Variants in CCDC81 observed in about 807,000 individuals in gnomAD.
The protein encoded by CCDC81 is coiled-coil domain containing 81.
Under a neutral mutation model 83.7 loss-of-function variants are expected in CCDC81, and 79 were observed. The ratio of observed to expected loss-of-function variants is 0.94; its 90% CI spans 0.79 to 1.14. CCDC81 has a LOEUF of 1.14. Ranked by LOEUF, CCDC81 falls within the 50% of genes most tolerant of loss-of-function variation. CCDC81 has a pLI of 0.00. For synonymous variants in CCDC81, 252 were observed against 278.1 expected (o/e 0.91, Z 0.93); for missense variants, 791 against 778.1 (o/e 1.02, Z -0.20).
At chr11:86,395,728 C>T (rs536811418) in intron 5 of CCDC81, among the ~76,000 whole-genome samples, 6 of 152,278 alleles carry the variant, frequency 3.9e-5, no homozygotes, top group Admixed American at 1.3e-4. Context: ...TCAAGCAATT[C>T]TCTCCTGCCT....
chr11:86,396,585 C>G (rs1280212547), intron 5 of CCDC81, among the ~76,000 whole-genome samples: 1 of 152,158 alleles, frequency 6.6e-6, no homozygotes, highest in Non-Finnish European at 1.5e-5. Flanking sequence ...TTTGGAACAA[C>G]CCCCTCCTGG....
At position 86,383,508 on chromosome 11, in the gene CCDC81, G is replaced by A. The variant is rs75839962; in HGVS notation, c.80-2543G>A. Among the ~76,000 whole-genome samples the A allele has an allele frequency of 2.1e-3, 314 of 152,250 alleles. 3 individuals are homozygous for A. In the East Asian group the frequency reaches 0.032, roughly 15 times the overall value. On this transcript the variant is annotated intron_variant, in intron 1 of 14. Coordinates refer to ENST00000445632, the MANE Select transcript of CCDC81 (RefSeq NM_001156474.2). ...GGTGTTTAAACATATGGTTTTGAGCGCATGGAATGTTAAGAATTTGAAGCC... is the reference window on the plus strand; with the variant it reads ...GGTGTTTAAACATATGGTTTTGAGCACATGGAATGTTAAGAATTTGAAGCC...
chr11:86,396,027 A>C (rs993108862), intron 5 of CCDC81, among the ~76,000 whole-genome samples: 1 of 152,178 alleles, frequency 6.6e-6, no homozygotes, highest in African/African-American at 2.4e-5. Context: ...CACCTGCTGA[A>C]CTTTCCACTA....
chr11:86,397,764 C>T, intron 6 of CCDC81, 22 bp downstream of exon 6: 2 of 1,606,602 alleles, frequency 1.2e-6, no homozygotes, highest in South Asian at 1.1e-5. Context: ...ATTTCTGGGT[C>T]CAATCTGTCA....
chr11:86,376,315 C>A lies in CCDC81; in HGVS notation c.79+1073C>A, dbSNP rs1948097521. On this transcript the variant is annotated intron_variant, in intron 1 of 14. Coordinates refer to ENST00000445632, the MANE Select transcript of CCDC81 (RefSeq NM_001156474.2). ...TTCACAGTAAATTAAGAAGGAGGGA[C>A]AATATATTAGTTTATTTGTACACTG... 1.3e-5 allele frequency among the ~76,000 whole-genome samples: 2 copies of A among 152,032 alleles called. 1 individual carries two copies. Among genetic ancestry groups the A allele is most frequent in the South Asian group, 4.2e-4 (2 of 4,816 alleles).
intron 12 of CCDC81, 86 bp downstream of exon 12, chr11:86,414,953 TTA>T: frequency 7.1e-7 from 1 of 1,400,370 alleles, no homozygotes; most frequent in South Asian, 1.3e-5. Context: ...ACGAATATTT[TTA>T]TGTGTTATGC....
chr11:86,402,307 G>A (rs568200016), intron 7 of CCDC81, among the ~76,000 whole-genome samples: 26 of 152,070 alleles, frequency 1.7e-4, no homozygotes, highest in Admixed American at 4.6e-4. Flanking sequence ...GATGTATGTC[G>A]TTTATTTCAA....
chr11:86,403,354 C>CT (rs1948519617), intron 7 of CCDC81, among the ~76,000 whole-genome samples: 1 of 151,202 alleles, frequency 6.6e-6, no homozygotes, highest in Non-Finnish European at 1.5e-5. Context: ...TCTTTTTTTT[C>CT]TTTTTAATTT....
In CCDC81 at chr11:86,395,358, T is replaced by A. The variant is rs754931533; in HGVS notation, c.580T>A (p.Leu194Met). 1 of 1,614,058 alleles carries A rather than the reference T, an allele frequency of 6.2e-7. No homozygotes were observed. Among genetic ancestry groups the A allele is most frequent in the Non-Finnish European group, 8.5e-7 (1 of 1,179,956 alleles). ...ANRPGTVDSV[L>M]SSREALRKWP... ...GAGGCCTGGCACTGTGGACTCGGTG[T>A]TGTCTAGCAGAGAGGCCTTGAGGAA... Residue 194 changes from leucine to methionine, a missense_variant, in exon 5 of 15, where the codon TTG becomes ATG. Leu to Met is a conservative substitution (Grantham distance 15). Transcript: ENST00000445632.
chr11:86,399,968 CAA>C (rs768432522), intron 6 of CCDC81, among the ~76,000 whole-genome samples: 1 of 143,678 alleles, frequency 7.0e-6, no homozygotes. Context: ...ACTACTACTA[CAA>C]AAAAAAAAAA....
chr11:86,392,550 CAATTGTTCCACTT>C lies in CCDC81; in HGVS notation c.313_325del (p.Val105LeufsTer3). The stretch of plus-strand genomic sequence containing the variant: ...GTCTTTTCTCCTTTAGGTGAAATCC[CAATTGTTCCACTT>C]AATTTTGTCATGATATCCCTGGAGG... On this transcript the variant is annotated frameshift_variant, in exon 4 of 15. Coordinates refer to ENST00000445632, the MANE Select transcript of CCDC81 (RefSeq NM_001156474.2). LOFTEE classifies it high-confidence loss of function. 3.9e-6 allele frequency: 6 copies of C among 1,550,964 alleles called. No individual in the cohort carries two copies. Among genetic ancestry groups the C allele is most frequent in the Non-Finnish European group, 5.2e-6 (6 of 1,146,610 alleles).
intron 6 of CCDC81, among the ~76,000 whole-genome samples, chr11:86,398,810 T>G (rs952976955): frequency 6.6e-6 from 1 of 152,164 alleles, no homozygotes; most frequent in Non-Finnish European, 1.5e-5. Context: ...TGACTTCAGG[T>G]GATCCGCCTG....
Position 86,422,746 on chromosome 11 carries a change from GAA to G in CCDC81, c.*33_*34del. 1 of 1,600,088 alleles carries G rather than the reference GAA, an allele frequency of 6.2e-7. No homozygotes were observed. Among genetic ancestry groups the G allele is most frequent in the Non-Finnish European group, 8.5e-7 (1 of 1,171,112 alleles). ...AAAGTTTGGCTCTTCGTTTCCCGGGGAAAGTTTTTATCTTTTACATGTTTGGG... is the reference window on the plus strand; with the variant it reads ...AAAGTTTGGCTCTTCGTTTCCCGGGGAGTTTTTATCTTTTACATGTTTGGG... On this transcript the variant is annotated 3_prime_UTR_variant, in exon 15 of 15. Coordinates refer to ENST00000445632, the MANE Select transcript of CCDC81 (RefSeq NM_001156474.2).
intron 9 of CCDC81, among the ~76,000 whole-genome samples, chr11:86,408,569 AG>A (rs1948594714): frequency 8.5e-5 from 13 of 152,232 alleles, no homozygotes; most frequent in Admixed American, 7.2e-4. Context: ...CCTGGGCTCA[AG>A]CATCCAGAGG....
Position 86,402,269 on chromosome 11 carries a change from C to T in CCDC81, c.881+1468C>T, listed in dbSNP as rs945897881. Among the ~76,000 whole-genome samples the T allele has an allele frequency of 2.0e-5, 3 of 151,848 alleles. No homozygotes were observed. In the East Asian group the frequency reaches 5.8e-4, roughly 29 times the overall value. ...TAAAAAATCACCCATAATCCCTCTA[C>T]ATAGAGGAAACTTTATATTAACCTT... is the stretch of plus-strand genomic sequence containing the variant. On this transcript the variant is annotated intron_variant, in intron 7 of 14. Transcript: ENST00000445632.
rs552355263 is a variant in CCDC81 at position 86,400,602 on chromosome 11, C to T, written c.758-76C>T. ...GAGAGTGTATCTTATATGAAAATTT[C>T]CCTTGGTAAAAACTACACAGTTAGT... is the stretch of plus-strand genomic sequence containing the variant. On this transcript the variant is annotated intron_variant, in intron 6 of 14. Transcript: ENST00000445632. The T allele has an allele frequency of 7.9e-6, 11 of 1,392,418 alleles. No individual in the cohort carries two copies. The East Asian group carries it at 2.1e-4, about 27-fold the overall frequency. 86.3% of individuals were successfully genotyped at this position (1,392,418 alleles called of 1,614,324 possible). A position where few individuals can be genotyped will look rare whatever the true frequency, so the allele number is the denominator to read the frequency against.
chr11:86,404,527 C>T (rs991258874), intron 7 of CCDC81, among the ~76,000 whole-genome samples: 3 of 151,970 alleles, frequency 2.0e-5, no homozygotes, highest in African/African-American at 7.3e-5. Flanking sequence ...TGGAGTTGGG[C>T]TAAAAATGAA....
chr11:86,395,364 A>G lies in CCDC81; in HGVS notation c.586A>G (p.Ser196Gly). 6.2e-7 allele frequency: 1 copy of G among 1,614,062 alleles called. No individual in the cohort carries two copies. The highest frequency in any genetic ancestry group is 2.2e-5 in the East Asian group (1 of 44,874). ...TGGCACTGTGGACTCGGTGTTGTCT[A>G]GCAGAGAGGCCTTGAGGAAGTGGCC... The part of the protein sequence containing the change: ...RPGTVDSVLS[S>G]REALRKWPSS... The change falls in exon 5 of 15, where the codon AGC (serine) becomes GGC (glycine). Residue 196 changes from serine (S) to glycine (G), a missense_variant. Physicochemically the swap from Ser to Gly is moderately conservative, Grantham distance 56. Coordinates refer to ENST00000445632, the MANE Select transcript of CCDC81 (RefSeq NM_001156474.2).
At chr11:86,379,979 C>G (rs575176203) in intron 1 of CCDC81, among the ~76,000 whole-genome samples, 50 of 151,688 alleles carry the variant, frequency 3.3e-4, no homozygotes, top group Non-Finnish European at 4.3e-4. Context: ...AAATGAGACC[C>G]TGTCTCAAAG....
Sources: gnomAD v4.1 joint callset for allele counts (sites outside exome capture counted in the v4.1 genomes callset) on GRCh38, gnomAD v4.1.1 for gene constraint, MANE v1.5 for transcripts, NCBI Gene and HGNC (gene_info 2026-07-23, HGNC 2026-07-21) for gene names.